Variants in TENM2 observed in about 807,000 individuals in gnomAD.
TENM2 encodes teneurin-2.
TENM2 carries 52 observed loss-of-function variants against 245.2 expected under a neutral mutation model. The observed-to-expected ratio is 0.21, with a 90% CI of 0.17 to 0.27. TENM2 has a LOEUF of 0.27. Among genes scored for constraint, TENM2 ranks in the 10% least tolerant of loss-of-function variants. TENM2 has a pLI of 1.00. For missense variants in TENM2, 3,046 were observed against 3,666.8 expected, an observed-to-expected ratio of 0.83 and a Z score of 4.37; for synonymous variants, 1,363 against 1,438.9, an observed-to-expected ratio of 0.95 and a Z score of 1.19.
intron 2 of TENM2, among the ~76,000 whole-genome samples, chr5:167,429,318 G>A (rs1764061436): frequency 6.6e-6 from 1 of 152,092 alleles, no homozygotes; most frequent in Non-Finnish European, 1.5e-5. Flanking sequence ...TTGTAAGCTT[G>A]CCTCCTATGT....
intron 3 of TENM2, among the ~76,000 whole-genome samples, chr5:167,911,674 C>T (rs1272275518): frequency 6.6e-6 from 1 of 152,154 alleles, no homozygotes; most frequent in Admixed American, 6.5e-5. Context: ...GAGTACTCAC[C>T]ATGGCGTGTA....
intron 2 of TENM2, among the ~76,000 whole-genome samples, chr5:167,477,892 G>GA (rs1767498265): frequency 6.6e-6 from 1 of 151,836 alleles, no homozygotes; most frequent in Admixed American, 6.6e-5. Flanking sequence ...AAGTAATGAA[G>GA]AAAAAAAGAA....
At chr5:168,190,654 G>GC (rs1453179295) in intron 14 of TENM2, 107 bp downstream of exon 16, 7 of 982,834 alleles carry the variant, frequency 7.1e-6, no homozygotes, top group African/African-American at 1.6e-5. Flanking sequence ...CCTGGAATCT[G>GC]CCCCCCTAGA....
At chr5:167,174,578 A>G in the TENM2 span, among the ~76,000 whole-genome samples, 1 of 152,162 alleles carries the variant, frequency 6.6e-6, no homozygotes, top group South Asian at 2.1e-4. Context: ...TAAGGTATAC[A>G]ATATGTAGTT....
chr5:167,895,578 T>C (rs1289487068), intron 3 of TENM2, among the ~76,000 whole-genome samples: 1 of 152,236 alleles, frequency 6.6e-6, no homozygotes, highest in East Asian at 1.9e-4. Context: ...TCTAATTAAT[T>C]AAAACAGAGG....
chr5:167,606,913 G>C (rs1175233311), intron 2 of TENM2, among the ~76,000 whole-genome samples: 1 of 152,142 alleles, frequency 6.6e-6, no homozygotes, highest in African/African-American at 2.4e-5. Flanking sequence ...TTGATGAGCA[G>C]CTTCAGGTGA....
At chr5:168,051,563 A>T (rs2152056227) in intron 6 of TENM2, among the ~76,000 whole-genome samples, 1 of 152,312 alleles carries the variant, frequency 6.6e-6, no homozygotes, top group African/African-American at 2.4e-5. Context: ...CAGAAGAGGA[A>T]GATCAAACTC....
At chr5:167,220,687 C>T in the TENM2 span, among the ~76,000 whole-genome samples, 2 of 152,132 alleles carry the variant, frequency 1.3e-5, no homozygotes, top group Admixed American at 6.5e-5. Flanking sequence ...AGCTTTGTTA[C>T]CTTAGGCAAA....
chr5:167,157,019 A>G, the TENM2 span, among the ~76,000 whole-genome samples: 34 of 152,170 alleles, frequency 2.2e-4, no homozygotes, highest in Non-Finnish European at 5.0e-4. Context: ...AAGCATTCGC[A>G]TTTATTTTCA....
the TENM2 span, among the ~76,000 whole-genome samples, chr5:167,038,059 G>T: frequency 6.6e-6 from 1 of 152,238 alleles, no homozygotes; most frequent in Non-Finnish European, 1.5e-5. Context: ...ACAGGTACAG[G>T]AGAAAGAGAC....
chr5:167,210,689 T>C, the TENM2 span, among the ~76,000 whole-genome samples: 2 of 151,658 alleles, frequency 1.3e-5, no homozygotes, highest in African/African-American at 4.8e-5. Context: ...GGTCTCGATC[T>C]CCTGACCTCA....
intron 27 of TENM2, among the ~76,000 whole-genome samples, chr5:168,248,922 C>A (rs1766842457): frequency 6.6e-6 from 1 of 152,078 alleles, no homozygotes; most frequent in Non-Finnish European, 1.5e-5. Flanking sequence ...AGTTCAAGAT[C>A]AGCCTGGCCA....
chr5:167,178,137 T>C, the TENM2 span, among the ~76,000 whole-genome samples: 5 of 152,228 alleles, frequency 3.3e-5, no homozygotes, highest in Non-Finnish European at 7.3e-5. Context: ...AGGCTATTAA[T>C]ATAAACTCAT....
rs188399045 is a variant in TENM2 at position 167,970,191 on chromosome 5, A to G, written c.947+17369A>G. On this transcript the variant is annotated intron_variant, in intron 4 of 28. Coordinates refer to ENST00000518659, the Ensembl canonical transcript of TENM2. Reference sequence around the variant, plus strand: ...CAGCTGATTCCAATAAGAAGTCGAAAAAATTAAGTTTCACTGACTAACTTC... The same window carrying G: ...CAGCTGATTCCAATAAGAAGTCGAAGAAATTAAGTTTCACTGACTAACTTC... Among the ~76,000 whole-genome samples the G allele has an allele frequency of 1.3e-4, 20 of 152,330 alleles. No individual in the cohort carries two copies. In the East Asian group the frequency reaches 3.9e-3, roughly 29 times the overall value.
chr5:166,996,904 T>G, the TENM2 span, among the ~76,000 whole-genome samples: 1 of 152,348 alleles, frequency 6.6e-6, no homozygotes, highest in East Asian at 1.9e-4. Flanking sequence ...CAAGTTGGAC[T>G]AACTGCCCCT....
chr5:167,155,441 A>G, the TENM2 span, among the ~76,000 whole-genome samples: 4 of 152,318 alleles, frequency 2.6e-5, no homozygotes, highest in South Asian at 2.1e-4. Flanking sequence ...GTGCGTTGAG[A>G]TAATTCAAGA....
the TENM2 span, among the ~76,000 whole-genome samples, chr5:167,078,381 G>T: frequency 6.6e-6 from 1 of 152,172 alleles, no homozygotes; most frequent in East Asian, 1.9e-4. Context: ...TATTTGGGAG[G>T]CTGAAGGAGG....
intron 2 of TENM2, among the ~76,000 whole-genome samples, chr5:167,870,726 G>A (rs1034665257): frequency 8.7e-5 from 13 of 149,064 alleles, no homozygotes; most frequent in Admixed American, 3.3e-4. Context: ...ATATATATAT[G>A]TGTGATAATG....
At chr5:168,003,339 ACACACACC>A (rs759168605) in intron 5 of TENM2, among the ~76,000 whole-genome samples, 1,597 of 130,186 alleles carry the variant, frequency 0.012, 27 homozygotes, top group African/African-American at 0.034. Context: ...ACACACACAC[ACACACACC>A]CCCAAAGCTG....
Sources: allele counts gnomAD v4.1 joint callset (sites outside exome capture counted in the v4.1 genomes callset), GRCh38; gene constraint gnomAD v4.1.1; transcripts MANE v1.5; gene names NCBI Gene and HGNC (gene_info 2026-07-23, HGNC 2026-07-21).